Variants in PGR observed in about 807,000 individuals in gnomAD.
PGR encodes nuclear receptor subfamily 3 group C member 3.
A neutral mutation model predicts 76.1 loss-of-function variants in PGR; 25 were observed. The observed-to-expected ratio is 0.33, with a 90% CI of 0.24 to 0.46. The LOEUF is 0.46. PGR is among the 20% of genes least tolerant of loss of function. The pLI, the probability that PGR is intolerant of heterozygous loss-of-function variation, is 1.00. For synonymous variants in PGR, 579 were observed against 535.0 expected (o/e 1.08, Z -1.14); for missense variants, 1,172 against 1,225.3 (o/e 0.96, Z 0.65).
chr11:101,050,054 C>T lies in PGR; in HGVS notation c.2363G>A (p.Arg788Gln), dbSNP rs371165895. 3.1e-6 allele frequency: 5 copies of T among 1,612,058 alleles called. No individual in the cohort carries two copies. Among genetic ancestry groups the T allele is most frequent in the Admixed American group, 1.7e-5 (1 of 59,808 alleles). Residue 788 changes from arginine (R) to glutamine (Q), a missense_variant, in exon 6 of 8, where the codon CGG becomes CAG. Arg to Gln is a conservative substitution (Grantham distance 43). This residue lies in a region of PGR where 166 missense variants were observed against 296.0 expected (regional missense o/e 0.56). Coordinates refer to ENST00000325455, the MANE Select transcript of PGR (RefSeq NM_000926.4). Reference protein sequence around the residue: ...FAPDLILNEQRMKESSFYSLC... With the variant: ...FAPDLILNEQQMKESSFYSLC... ...TGAATAGAATGATGATTCTTTCATC[C>T]GCTGTCTTGCATCACACACAATACA...
Position 101,108,248 on chromosome 11 carries a change from TA to T in PGR, c.1790-16373del, listed in dbSNP as rs550121348. The stretch of plus-strand genomic sequence containing the variant: ...CTGGGAGACAGAATGAGACTCCGTC[TA>T]AAAAAAAAAAAAAAAAAATGAGCCT... On this transcript the variant is annotated intron_variant, in intron 2 of 7. Coordinates refer to ENST00000325455, the MANE Select transcript of PGR (RefSeq NM_000926.4). Among the ~76,000 whole-genome samples the T allele has an allele frequency of 5.0e-3, 579 of 115,378 alleles. 4 individuals carry two copies. The highest frequency in any genetic ancestry group is 0.016 in the Middle Eastern group (3 of 182). 75.7% of individuals were successfully genotyped at this position (115,378 alleles called of 152,430 possible).
intron 3 of PGR, among the ~76,000 whole-genome samples, chr11:101,090,451 G>T (rs538915): frequency 6.6e-6 from 1 of 152,130 alleles, no homozygotes; most frequent in Non-Finnish European, 1.5e-5. Flanking sequence ...CAATGGCTGC[G>T]CCAGGGTCAG....
intron 3 of PGR, chr11:101,064,077 T>A (rs937681123): frequency 6.6e-6 from 1 of 151,996 alleles, no homozygotes; most frequent in Admixed American, 6.6e-5. Flanking sequence ...ATGCCTGTAG[T>A]TCTAGCACTT....
At chr11:101,100,420 T>C (rs754715003) in intron 2 of PGR, among the ~76,000 whole-genome samples, 2 of 152,180 alleles carry the variant, frequency 1.3e-5, no homozygotes, top group Non-Finnish European at 2.9e-5. Flanking sequence ...TTTTATAAAT[T>C]ACCCAGTCTT....
chr11:101,047,808 T>C lies in PGR; in HGVS notation c.2488+2121A>G, dbSNP rs184840257. On this transcript the variant is annotated intron_variant, in intron 6 of 7. Coordinates refer to ENST00000325455, the MANE Select transcript of PGR (RefSeq NM_000926.4). ...CTGCTTTTTCTTTTTTTTAAAACTTTGCCCACCCAGACCCTTGGGGATCCA... is the reference window on the plus strand; with the variant it reads ...CTGCTTTTTCTTTTTTTTAAAACTTCGCCCACCCAGACCCTTGGGGATCCA... 4.6e-5 allele frequency among the ~76,000 whole-genome samples: 7 copies of C among 152,256 alleles called. No homozygotes were observed. The East Asian group carries it at 1.4e-3, about 29-fold the overall frequency.
rs1859387126 is a variant in PGR at position 101,032,647 on chromosome 11, A to T, written c.*6469T>A. 1 of 221,020 alleles carries T rather than the reference A, an allele frequency of 4.5e-6. No homozygotes were observed. The highest frequency in any genetic ancestry group is 1.8e-4 in the South Asian group (1 of 5,444). 13.7% of individuals were successfully genotyped at this position (221,020 alleles called of 1,614,324 possible). A position where few individuals can be genotyped will look rare whatever the true frequency, so the allele number is the denominator to read the frequency against. Reference sequence around the variant, plus strand: ...CTGCTAATTCCTAAACTGCTTATAGATTGTGGCTTAGCTTTGACTTTTTTC... The same window carrying T: ...CTGCTAATTCCTAAACTGCTTATAGTTTGTGGCTTAGCTTTGACTTTTTTC... On this transcript the variant is annotated 3_prime_UTR_variant, in exon 8 of 8. Transcript: ENST00000325455.
chr11:101,126,851 C>T (rs988360663), intron 1 of PGR: 2 of 152,530 alleles, frequency 1.3e-5, no homozygotes, highest in African/African-American at 4.8e-5. Context: ...TAAACATTTC[C>T]CACGTGAACT....
At position 101,129,488 on chromosome 11, in the gene PGR, T is replaced by C. The variant is rs2135519690; in HGVS notation, c.-418A>G. On this transcript the variant is annotated 5_prime_UTR_variant, in exon 1 of 8. Coordinates refer to ENST00000325455, the MANE Select transcript of PGR (RefSeq NM_000926.4). ...AATTTAGTGACACGCGGCTCCTTTA[T>C]CTCCCGACTTTTTCTCTGGCATCAA... The C allele has an allele frequency of 4.3e-6, 1 of 231,570 alleles. No individual in the cohort carries two copies. Among genetic ancestry groups the C allele is most frequent in the East Asian group, 6.7e-5 (1 of 15,008 alleles). The allele number at this position is 231,570 out of a possible 1,614,324, so 14.3% of individuals were successfully genotyped here. A position where few individuals can be genotyped will look rare whatever the true frequency, so the allele number is the denominator to read the frequency against.
At chr11:101,040,067 G>T (rs1479624307) in intron 7 of PGR, among the ~76,000 whole-genome samples, 7 of 151,504 alleles carry the variant, frequency 4.6e-5, no homozygotes, top group South Asian at 2.1e-4. Context: ...ATATCATAAA[G>T]ATTTTTTTAT....
chr11:101,129,474 A>T lies in PGR; in HGVS notation c.-404T>A, dbSNP rs1189204567. The T allele has an allele frequency of 4.1e-6, 1 of 246,892 alleles. No homozygotes were observed. Among genetic ancestry groups the T allele is most frequent in the Non-Finnish European group, 7.8e-6 (1 of 128,210 alleles). 15.3% of individuals were successfully genotyped at this position (246,892 alleles called of 1,614,324 possible). ...GCGGCTGCGACGGCAATTTAGTGAC[A>T]CGCGGCTCCTTTATCTCCCGACTTT... On this transcript the variant is annotated 5_prime_UTR_variant, in exon 1 of 8. Coordinates refer to ENST00000325455, the MANE Select transcript of PGR (RefSeq NM_000926.4).
chr11:101,129,502 C>T lies in PGR; in HGVS notation c.-432G>A, dbSNP rs989925923. 9.0e-6 allele frequency: 2 copies of T among 221,192 alleles called. No homozygotes were observed. The highest frequency in any genetic ancestry group is 2.3e-5 in the African/African-American group (1 of 44,208). The allele number at this position is 221,192 out of a possible 1,614,324, so 13.7% of individuals were successfully genotyped here. ...CGGCTCCTTTATCTCCCGACTTTTT[C>T]TCTGGCATCAAACTCGTGCATGCTG... On this transcript the variant is annotated 5_prime_UTR_variant, in exon 1 of 8. Coordinates refer to ENST00000325455, the MANE Select transcript of PGR (RefSeq NM_000926.4).
chr11:101,049,233 G>T (rs1380630715), intron 6 of PGR, among the ~76,000 whole-genome samples: 1 of 152,110 alleles, frequency 6.6e-6, no homozygotes, highest in Non-Finnish European at 1.5e-5. Flanking sequence ...TCAGGGGGCA[G>T]TAACACACAC....
intron 6 of PGR, 135 bp downstream of exon 6, chr11:101,049,794 T>A: frequency 3.0e-6 from 2 of 660,208 alleles, no homozygotes; most frequent in Non-Finnish European, 5.2e-6. Flanking sequence ...TATAACAATA[T>A]ATTGGGTATT....
rs916253048 is a variant in PGR, at chr11:101,034,837, G to C, written c.*4279C>G. The C allele has an allele frequency of 5.6e-6, 1 of 179,386 alleles. No homozygotes were observed. Among genetic ancestry groups the C allele is most frequent in the Admixed American group, 6.3e-5 (1 of 15,848 alleles). The allele number at this position is 179,386 out of a possible 1,614,324, so 11.1% of individuals were successfully genotyped here. On this transcript the variant is annotated 3_prime_UTR_variant, in exon 8 of 8. Coordinates refer to ENST00000325455, the MANE Select transcript of PGR (RefSeq NM_000926.4). The stretch of plus-strand genomic sequence containing the variant: ...GTTTTACTGCTTTTTGTTCAATTTT[G>C]TATTTAGTAAGGACCATAGAGTGTG...
At chr11:101,083,225 A>C (rs1591398620) in intron 3 of PGR, among the ~76,000 whole-genome samples, 1 of 152,194 alleles carries the variant, frequency 6.6e-6, no homozygotes, top group South Asian at 2.1e-4. Flanking sequence ...TGCGGGTATG[A>C]AGAAGGCAAG....
intron 2 of PGR, 70 bp downstream of exon 2, chr11:101,125,937 T>C (rs1862827175): frequency 7.7e-7 from 1 of 1,291,584 alleles, no homozygotes; most frequent in African/African-American, 1.5e-5. Context: ...ATAATTGAAA[T>C]CTATACAATA....
chr11:101,079,700 G>A (rs918235188), intron 3 of PGR, among the ~76,000 whole-genome samples: 1 of 152,236 alleles, frequency 6.6e-6, no homozygotes, highest in Admixed American at 6.5e-5. Flanking sequence ...AAAACAGTAT[G>A]GAGGTTCCTA....
intron 2 of PGR, among the ~76,000 whole-genome samples, chr11:101,110,531 T>C (rs1440474554): frequency 6.6e-6 from 1 of 152,196 alleles, no homozygotes; most frequent in Admixed American, 6.5e-5. Flanking sequence ...TTTGAACACA[T>C]GAGGGGTCTT....
chr11:101,129,160 GA>G lies in PGR; in HGVS notation c.-91del. 1.9e-6 allele frequency: 2 copies of G among 1,055,152 alleles called. No homozygotes were observed. The highest frequency in any genetic ancestry group is 2.5e-6 in the Non-Finnish European group (2 of 791,512). 65.4% of individuals were successfully genotyped at this position (1,055,152 alleles called of 1,614,324 possible). On this transcript the variant is annotated 5_prime_UTR_variant, in exon 1 of 8. Transcript: ENST00000325455. ...GGTTTCGGGAATATAGGGGCAGAGG[GA>G]GGAGAAAGTGGGTGTTGAATGTGGC...
Sources: gnomAD v4.1 joint callset for allele counts (sites outside exome capture counted in the v4.1 genomes callset) on GRCh38, gnomAD v4.1.1 for gene constraint, gnomAD v4.1.1 regional missense constraint, MANE v1.5 for transcripts, NCBI Gene and HGNC (gene_info 2026-07-23, HGNC 2026-07-21) for gene names.